The following GFPT2 variants were observed in gnomAD, a reference collection of about 807,000 sequenced individuals.
The protein encoded by GFPT2 is glutamine--fructose-6-phosphate aminotransferase [isomerizing] 2.
Under a neutral mutation model 85.6 loss-of-function variants are expected in GFPT2, and 62 were observed. That is an observed-to-expected ratio of 0.72 (90% CI 0.59 to 0.90). The LOEUF is 0.90. GFPT2 is among the 40% of genes least tolerant of loss of function. The pLI, the probability that GFPT2 is intolerant of heterozygous loss-of-function variation, is 0.00. For missense variants in GFPT2, 788 were observed against 893.4 expected, an observed-to-expected ratio of 0.88 and a Z score of 1.50; for synonymous variants, 368 against 344.5, an observed-to-expected ratio of 1.07 and a Z score of -0.75.
At position 180,323,670 on chromosome 5, in the gene GFPT2, GA is replaced by G. The variant is rs984093422; in HGVS notation, c.794+517del. 3.3e-5 allele frequency among the ~76,000 whole-genome samples: 5 copies of G among 151,946 alleles called. No homozygotes were observed. Among genetic ancestry groups the G allele is most frequent in the Non-Finnish European group, 1.5e-5 (1 of 67,974 alleles). On this transcript the variant is annotated intron_variant, in intron 9 of 18. Transcript: ENST00000253778. This position sits in a 1 kb window ranked among gnomAD's most constrained non-coding sequence, Gnocchi z 4.0. ...GAGAGCATGGACTTTAGAATCAATT[GA>G]AAAACTCCCTGTGTCTTGGCTCTGT...
chr5:180,313,742 G>A, intron 14 of GFPT2, 65 bp downstream of exon 14: 3 of 1,417,446 alleles, frequency 2.1e-6, no homozygotes, highest in Admixed American at 4.2e-5. Context: ...CCGGAGGAGG[G>A]CGGCCTCTGG....
rs201542481 is a variant in GFPT2 at position 180,328,351 on chromosome 5, A to G, written c.535-13T>C. On this transcript the variant is annotated splice_polypyrimidine_tract_variant and intron_variant, in intron 6 of 18. Coordinates refer to ENST00000253778, the MANE Select transcript of GFPT2 (RefSeq NM_005110.4). This position sits in a 1 kb window ranked among gnomAD's most constrained non-coding sequence, Gnocchi z 5.4. Reference sequence around the variant, plus strand: ...CGAATGCACCTTCCTGAAAACACACAAACAGTGAGGGTCAACGCGTTCCAG... The same window carrying G: ...CGAATGCACCTTCCTGAAAACACACGAACAGTGAGGGTCAACGCGTTCCAG... The G allele has an allele frequency of 1.2e-4, 192 of 1,608,562 alleles. No homozygotes were observed. In the Middle Eastern group the frequency reaches 2.6e-3, roughly 22 times the overall value.
chr5:180,315,950 T>C (rs893433326), intron 13 of GFPT2, among the ~76,000 whole-genome samples: 1 of 152,246 alleles, frequency 6.6e-6, no homozygotes, highest in Admixed American at 6.5e-5. Context: ...TACTGGGTCC[T>C]CCACGTGACT....
intron 9 of GFPT2, among the ~76,000 whole-genome samples, chr5:180,319,471 C>T (rs968783527): frequency 6.6e-6 from 1 of 152,186 alleles, no homozygotes; most frequent in East Asian, 1.9e-4. Flanking sequence ...TCAGAACAAC[C>T]ACATACTTTA....
At chr5:180,320,021 C>T (rs1764087682) in intron 9 of GFPT2, among the ~76,000 whole-genome samples, 3 of 152,172 alleles carry the variant, frequency 2.0e-5, no homozygotes, top group Admixed American at 1.3e-4. Flanking sequence ...GAGACAGAGT[C>T]TCGCTCTGTC....
chr5:180,343,201 C>A (rs1345446063), intron 1 of GFPT2, among the ~76,000 whole-genome samples: 4 of 152,160 alleles, frequency 2.6e-5, no homozygotes, highest in African/African-American at 9.7e-5. Flanking sequence ...ATGATGTTCC[C>A]GAGTGCATAA....
At chr5:180,311,218 T>C (rs1763874913) in intron 15 of GFPT2, among the ~76,000 whole-genome samples, 1 of 152,222 alleles carries the variant, frequency 6.6e-6, no homozygotes, top group Admixed American at 6.5e-5. Context: ...CTGTCCGCAG[T>C]GAGCGTTCCA....
At chr5:180,307,126 T>G in intron 16 of GFPT2, 50 bp downstream of exon 16, 2 of 1,453,542 alleles carry the variant, frequency 1.4e-6, no homozygotes, top group Non-Finnish European at 1.9e-6. Context: ...CTCCTCAGGG[T>G]CTCCTGTGCC....
At chr5:180,345,967 C>A (rs1051331537) in intron 1 of GFPT2, among the ~76,000 whole-genome samples, 1 of 151,846 alleles carries the variant, frequency 6.6e-6, no homozygotes, top group Non-Finnish European at 1.5e-5. Flanking sequence ...AGGCTTACAT[C>A]CCCCCGCACA....
chr5:180,305,041 G>A lies in GFPT2; in HGVS notation c.1675-102C>T, dbSNP rs938449792. ...AACCAGGGGAAGGATGACTCTGGAA[G>A]GCAGAGAGCCAAGGGTTGCAAGGCA... On this transcript the variant is annotated intron_variant, in intron 16 of 18. Transcript: ENST00000253778. 1.2e-5 allele frequency: 10 copies of A among 830,526 alleles called. No individual in the cohort carries two copies. In the African/African-American group the frequency reaches 1.5e-4, roughly 13 times the overall value. The allele number at this position is 830,526 out of a possible 1,614,324, so 51.4% of individuals were successfully genotyped here. A position where few individuals can be genotyped will look rare whatever the true frequency, so the allele number is the denominator to read the frequency against.
intron 13 of GFPT2, among the ~76,000 whole-genome samples, chr5:180,316,087 A>G (rs6872946): frequency 0.18 from 27,043 of 152,230 alleles, 3,003 homozygotes; most frequent in Non-Finnish European, 0.25. Context: ...GCCACGGGGC[A>G]GGGGAAAGAC....
At chr5:180,311,935 C>T (rs1561873209) in intron 15 of GFPT2, among the ~76,000 whole-genome samples, 3 of 150,782 alleles carry the variant, frequency 2.0e-5, no homozygotes, top group Admixed American at 6.6e-5. Context: ...GGTGAGAAAG[C>T]ACTGAGCACT....
At chr5:180,340,948 A>G (rs1042195217) in intron 1 of GFPT2, among the ~76,000 whole-genome samples, 17 of 152,188 alleles carry the variant, frequency 1.1e-4, no homozygotes, top group Admixed American at 3.9e-4. Flanking sequence ...TGACGGGGGA[A>G]CAAACTCTCA....
chr5:180,313,606 T>TAAAATA (rs370913578), intron 14 of GFPT2, among the ~76,000 whole-genome samples: 27,393 of 144,176 alleles, frequency 0.19, 2,749 homozygotes, highest in East Asian at 0.35. Context: ...AATAAATAAA[T>TAAAATA]AAAATAAAAA....
chr5:180,342,773 G>T (rs1432667859), intron 1 of GFPT2, among the ~76,000 whole-genome samples: 1 of 151,950 alleles, frequency 6.6e-6, no homozygotes, highest in Non-Finnish European at 1.5e-5. Context: ...ATGGTGGTGC[G>T]TGCCTGTAAT....
intron 4 of GFPT2, among the ~76,000 whole-genome samples, chr5:180,333,820 G>A (rs1581384452): frequency 6.6e-6 from 1 of 152,182 alleles, no homozygotes. Context: ...CCAAGTTTGG[G>A]TGTGGGTGGG....
chr5:180,301,342 T>C lies in GFPT2; in HGVS notation c.*222A>G, dbSNP rs985227852. 3 of 596,826 alleles carry C rather than the reference T, an allele frequency of 5.0e-6. No individual in the cohort carries two copies. In the African/African-American group the frequency reaches 5.6e-5, roughly 11 times the overall value. 37.0% of individuals were successfully genotyped at this position (596,826 alleles called of 1,614,324 possible). On this transcript the variant is annotated 3_prime_UTR_variant, in exon 19 of 19. Coordinates refer to ENST00000253778, the MANE Select transcript of GFPT2 (RefSeq NM_005110.4). The stretch of plus-strand genomic sequence containing the variant: ...AGAAGTCTGCTCTGATCCCCATGTG[T>C]AAACAATGATTCCCTTCTCCTCTGG...
chr5:180,338,650 T>C, intron 1 of GFPT2, 50 bp from the exon 2 acceptor site: 1 of 1,180,924 alleles, frequency 8.5e-7, no homozygotes. Flanking sequence ...CAGCTCGTGT[T>C]TGGAAGAAAA....
At position 180,319,068 on chromosome 5, in the gene GFPT2, A is replaced by C. The variant is rs548642247; in HGVS notation, c.795-112T>G. The C allele has an allele frequency of 7.0e-5, 61 of 870,948 alleles. No homozygotes were observed. In the Admixed American group the frequency reaches 8.3e-4, roughly 12 times the overall value. 54.0% of individuals were successfully genotyped at this position (870,948 alleles called of 1,614,324 possible). ...CCACATCGTTGGCATTTTAGGAGGG[A>C]CAGAGAGACCACACTAAAAACATTG... On this transcript the variant is annotated intron_variant, in intron 9 of 18. Coordinates refer to ENST00000253778, the MANE Select transcript of GFPT2 (RefSeq NM_005110.4).
Sources: allele counts gnomAD v4.1 joint callset (sites outside exome capture counted in the v4.1 genomes callset), GRCh38; gene constraint gnomAD v4.1.1; non-coding constraint Gnocchi (gnomAD v3.1); transcripts MANE v1.5; gene names NCBI Gene and HGNC (gene_info 2026-07-23, HGNC 2026-07-21).